The following KCNQ4 variants were observed in gnomAD, a reference collection of about 807,000 sequenced individuals.
KCNQ4 encodes the protein potassium voltage-gated channel subfamily KQT member 4.
Under a neutral mutation model 72.6 loss-of-function variants are expected in KCNQ4, and 31 were observed. The observed-to-expected ratio is 0.43, with a 90% CI of 0.32 to 0.58. The LOEUF is 0.58. KCNQ4 is among the 20% of genes least tolerant of loss of function. The pLI is 0.08. For synonymous variants in KCNQ4, 405 were observed against 403.7 expected, an observed-to-expected ratio of 1.00 and a Z score of -0.04; for missense variants, 869 against 962.6, an observed-to-expected ratio of 0.90 and a Z score of 1.29.
chr1:40,829,279 C>T (rs969934347), intron 9 of KCNQ4, among the ~76,000 whole-genome samples: 2 of 152,196 alleles, frequency 1.3e-5, no homozygotes, highest in African/African-American at 2.4e-5. Context: ...AGGGAGCCTG[C>T]AGGAATGGCT....
chr1:40,830,559 C>T (rs61778970), intron 9 of KCNQ4, among the ~76,000 whole-genome samples: 1,810 of 152,242 alleles, frequency 0.012, 21 homozygotes, highest in Non-Finnish European at 0.02. Context: ...CATGTGTGTG[C>T]ACAAGGTGTG....
At chr1:40,805,504 C>T (rs1647730313) in intron 1 of KCNQ4, among the ~76,000 whole-genome samples, 1 of 152,178 alleles carries the variant, frequency 6.6e-6, no homozygotes, top group Non-Finnish European at 1.5e-5. Flanking sequence ...AGGCACCCTT[C>T]TGGCTCAGAT....
At chr1:40,796,550 C>T (rs980736992) in intron 1 of KCNQ4, among the ~76,000 whole-genome samples, 1 of 152,080 alleles carries the variant, frequency 6.6e-6, no homozygotes, top group African/African-American at 2.4e-5. Context: ...GTGATCTTAC[C>T]CACCTAACTC....
intron 1 of KCNQ4, among the ~76,000 whole-genome samples, chr1:40,812,435 AT>A (rs917720798): frequency 1.3e-5 from 2 of 151,578 alleles, no homozygotes; most frequent in African/African-American, 4.9e-5. Flanking sequence ...TTTTGTTTTG[AT>A]TTTTTTTGTA....
Position 40,784,046 on chromosome 1 carries a change from C to CGCCCCGGACCGTGCCCGG in KCNQ4, c.-40_-23dup. On this transcript the variant is annotated 5_prime_UTR_variant, in exon 1 of 14. Coordinates refer to ENST00000347132, the MANE Select transcript of KCNQ4 (RefSeq NM_004700.4). This position sits in a 1 kb window ranked among gnomAD's most constrained non-coding sequence, Gnocchi z 4.1. ...TCTCTGAGCGCCCCGAGCGCGCCCC[C>CGCCCCGGACCGTGCCCGG]GCCCCGGACCGTGCCCGGGCCCCGG... is the stretch of plus-strand genomic sequence containing the variant. 6.4e-6 allele frequency: 1 copy of CGCCCCGGACCGTGCCCGG among 156,268 alleles called. No homozygotes were observed. The highest frequency in any genetic ancestry group is 1.3e-5 in the Non-Finnish European group (1 of 74,336). 9.7% of individuals were successfully genotyped at this position (156,268 alleles called of 1,614,324 possible).
chr1:40,793,004 C>CTTTTTTTTTTT (rs10549805), intron 1 of KCNQ4, among the ~76,000 whole-genome samples: 3 of 109,076 alleles, frequency 2.8e-5, no homozygotes, highest in African/African-American at 3.7e-5. Flanking sequence ...TTCTTTCTTT[C>CTTTTTTTTTTT]TTTTTTTTTT....
At chr1:40,795,720 C>T (rs1647391236) in intron 1 of KCNQ4, among the ~76,000 whole-genome samples, 1 of 152,066 alleles carries the variant, frequency 6.6e-6, no homozygotes, top group South Asian at 2.1e-4. Context: ...CCTGTAAAAG[C>T]AGGGTGGCCA....
intron 9 of KCNQ4, among the ~76,000 whole-genome samples, chr1:40,825,589 G>A (rs1648451459): frequency 6.6e-6 from 1 of 152,086 alleles, no homozygotes. Flanking sequence ...TCTGGGGCTG[G>A]AGGGAGGGGA....
rs1420932759 is a variant in KCNQ4, at chr1:40,818,495, G to T, written c.533-10G>T. The T allele has an allele frequency of 6.7e-7, 1 of 1,501,914 alleles. No homozygotes were observed. The highest frequency in any genetic ancestry group is 1.4e-5 in the African/African-American group (1 of 71,262). The allele number at this position is 1,501,914 out of a possible 1,614,324, so 93.0% of individuals were successfully genotyped here. A position where few individuals can be genotyped will look rare whatever the true frequency, so the allele number is the denominator to read the frequency against. The stretch of plus-strand genomic sequence containing the variant: ...GGCTGGCTGTGATCTCGCCGCCCCC[G>T]CCCCTGCAGACTTCATCGTGTTCGT... On this transcript the variant is annotated splice_polypyrimidine_tract_variant and intron_variant, in intron 3 of 13. Transcript: ENST00000347132.
In KCNQ4 at chr1:40,784,463, G is replaced by A. The variant is rs1174543728; in HGVS notation, c.314+56G>A. ...TTCCCCGCGCAAGCCTGGCCTCCCGGGGCACGGCCGCCCCGCCCTGGCTCC... is the reference window on the plus strand; with the variant it reads ...TTCCCCGCGCAAGCCTGGCCTCCCGAGGCACGGCCGCCCCGCCCTGGCTCC... On this transcript the variant is annotated intron_variant, in intron 1 of 13. Coordinates refer to ENST00000347132, the MANE Select transcript of KCNQ4 (RefSeq NM_004700.4). The surrounding 1 kb of genome is among the most constrained non-coding windows in gnomAD (Gnocchi z 4.1). 2 of 1,548,704 alleles carry A rather than the reference G, an allele frequency of 1.3e-6. No homozygotes were observed. Among genetic ancestry groups the A allele is most frequent in the South Asian group, 2.2e-5 (2 of 90,038 alleles).
At chr1:40,831,675 G>C (rs1345278320) in intron 10 of KCNQ4, among the ~76,000 whole-genome samples, 2 of 152,152 alleles carry the variant, frequency 1.3e-5, no homozygotes, top group African/African-American at 4.8e-5. Context: ...CACTTCCTAG[G>C]ATTATTGTGA....
At chr1:40,833,513 T>C (rs1648719828) in intron 11 of KCNQ4, among the ~76,000 whole-genome samples, 1 of 151,992 alleles carries the variant, frequency 6.6e-6, no homozygotes, top group Non-Finnish European at 1.5e-5. Context: ...GGGACCAGGG[T>C]CTCCTAGGCC....
intron 1 of KCNQ4, among the ~76,000 whole-genome samples, chr1:40,801,950 G>T (rs1462005865): frequency 1.3e-5 from 2 of 152,038 alleles, no homozygotes; most frequent in South Asian, 2.1e-4. Flanking sequence ...GAGGCGAGGG[G>T]ACCAGAATAC....
rs55916242 is a variant in KCNQ4 at position 40,833,238 on chromosome 1, G to A, written c.1613+125G>A. On this transcript the variant is annotated intron_variant, in intron 11 of 13. Transcript: ENST00000347132. ...AGCCTGGCCAACATGGTGAAACCCC[G>A]TCTCTACTAAAAATACAAAAAATTA... is the stretch of plus-strand genomic sequence containing the variant. 42,875 of 681,120 alleles carry A rather than the reference G, an allele frequency of 0.063. 1,691 individuals carry two copies. Among genetic ancestry groups the A allele is most frequent in the East Asian group, 0.097 (3,160 of 32,702 alleles). The allele number at this position is 681,120 out of a possible 1,614,324, so 42.2% of individuals were successfully genotyped here. A position where few individuals can be genotyped will look rare whatever the true frequency, so the allele number is the denominator to read the frequency against.
chr1:40,795,939 T>G (rs1287431185), intron 1 of KCNQ4, among the ~76,000 whole-genome samples: 4 of 152,188 alleles, frequency 2.6e-5, no homozygotes, highest in Non-Finnish European at 5.9e-5. Context: ...ATTTAATCCT[T>G]CCAAGAGCCC....
intron 1 of KCNQ4, among the ~76,000 whole-genome samples, chr1:40,786,774 C>T (rs1473663150): frequency 1.3e-5 from 2 of 152,070 alleles, no homozygotes; most frequent in African/African-American, 4.8e-5. Flanking sequence ...GCTTGGTAAG[C>T]TCCAGGGGCC....
rs74071703 is a variant in KCNQ4 at position 40,794,394 on chromosome 1, C to T, written c.314+9987C>T. Among the ~76,000 whole-genome samples, 491 of 152,200 alleles carry T rather than the reference C, an allele frequency of 3.2e-3. 3 individuals carry two copies. Among genetic ancestry groups the T allele is most frequent in the African/African-American group, 0.011 (466 of 41,520 alleles). Reference sequence around the variant, plus strand: ...GAGGTCATCTATTTTTTCCAGTACCCGCTAGGTAGCAGGCACTATTATTGT... The same window carrying T: ...GAGGTCATCTATTTTTTCCAGTACCTGCTAGGTAGCAGGCACTATTATTGT... On this transcript the variant is annotated intron_variant, in intron 1 of 13. Coordinates refer to ENST00000347132, the MANE Select transcript of KCNQ4 (RefSeq NM_004700.4). This position sits in a 1 kb window ranked among gnomAD's most constrained non-coding sequence, Gnocchi z 4.2.
At position 40,818,695 on chromosome 1, in the gene KCNQ4, C is replaced by G. The variant is rs1372294870; in HGVS notation, c.708+15C>G. On this transcript the variant is annotated intron_variant, in intron 4 of 13. Coordinates refer to ENST00000347132, the MANE Select transcript of KCNQ4 (RefSeq NM_004700.4). ...CGCATAGCAAGGTGAGGCCTGCAAG[C>G]CGCGCGCGGAGACCCGAGGGCGTGT... is the stretch of plus-strand genomic sequence containing the variant. 1 of 1,574,512 alleles carries G rather than the reference C, an allele frequency of 6.4e-7. No individual in the cohort carries two copies. Among genetic ancestry groups the G allele is most frequent in the Middle Eastern group, 2.0e-4 (1 of 4,926 alleles).
At position 40,830,964 on chromosome 1, in the gene KCNQ4, G is replaced by A. The variant is rs780090458; in HGVS notation, c.1293-120G>A. The A allele has an allele frequency of 2.7e-4, 215 of 809,140 alleles. 1 individual carries two copies. The highest frequency in any genetic ancestry group is 6.0e-5 in the South Asian group (4 of 66,304). The allele number at this position is 809,140 out of a possible 1,614,324, so 50.1% of individuals were successfully genotyped here. A position where few individuals can be genotyped will look rare whatever the true frequency, so the allele number is the denominator to read the frequency against. ...CCTTGTTCCATCCCAAGAAGTCTCC[G>A]CTTGGCGGGGAATCCAGACCTAATA... On this transcript the variant is annotated intron_variant, in intron 9 of 13. Coordinates refer to ENST00000347132, the MANE Select transcript of KCNQ4 (RefSeq NM_004700.4).
Sources: allele counts gnomAD v4.1 joint callset (sites outside exome capture counted in the v4.1 genomes callset), GRCh38; gene constraint gnomAD v4.1.1; non-coding constraint Gnocchi (gnomAD v3.1); transcripts MANE v1.5; gene names NCBI Gene and HGNC (gene_info 2026-07-23, HGNC 2026-07-21).